The following SYNPO2 variants were observed in gnomAD, a reference collection of about 807,000 sequenced individuals.
SYNPO2 encodes the protein synaptopodin-2.
A neutral mutation model predicts 85.0 loss-of-function variants in SYNPO2; 56 were observed. That is an observed-to-expected ratio of 0.66 (90% CI 0.53 to 0.82). The LOEUF (loss-of-function observed/expected upper bound fraction) is 0.82, where lower values mean the gene tolerates loss of function less well. SYNPO2 is among the 40% of genes least tolerant of loss of function. SYNPO2 has a pLI of 0.00. For synonymous variants in SYNPO2, 602 were observed against 591.1 expected (o/e 1.02, Z -0.27); for missense variants, 1,575 against 1,534.2 (o/e 1.03, Z -0.44).
At chr4:119,040,201 A>G (rs571661149) in intron 4 of SYNPO2, among the ~76,000 whole-genome samples, 2 of 152,376 alleles carry the variant, frequency 1.3e-5, no homozygotes, top group South Asian at 4.1e-4. Context: ...AACAATAGCT[A>G]CTATTTTAAA....
chr4:119,005,608 C>T (rs925831637), intron 1 of SYNPO2, among the ~76,000 whole-genome samples: 1 of 145,740 alleles, frequency 6.9e-6, no homozygotes, highest in Non-Finnish European at 1.5e-5. Context: ...GGTACCAGTA[C>T]CATGCTGTTT....
chr4:119,053,423 C>G (rs1306260154), intron 4 of SYNPO2, among the ~76,000 whole-genome samples: 1 of 152,176 alleles, frequency 6.6e-6, no homozygotes, highest in Admixed American at 6.5e-5. Context: ...AATGTGAAGG[C>G]ATGTTCGTCA....
chr4:118,997,239 C>CAAAAAAGAAAAAAA (rs1736640921), intron 1 of SYNPO2, among the ~76,000 whole-genome samples: 2 of 65,238 alleles, frequency 3.1e-5, no homozygotes, highest in Non-Finnish European at 2.9e-5. Flanking sequence ...GACTCCGTCT[C>CAAAAAAGAAAAAAA]AAAAAAAAAA....
In SYNPO2 at chr4:119,013,355, A is replaced by G. The variant is rs188800477; in HGVS notation, c.106-10075A>G. Among the ~76,000 whole-genome samples the G allele has an allele frequency of 3.3e-5, 5 of 152,346 alleles. No homozygotes were observed. The East Asian group carries it at 9.6e-4, about 29-fold the overall frequency. ...TTTAATATTCTGTGTGACAAAATGA[A>G]AAGTACATATAAAGCACTTTGGCTG... On this transcript the variant is annotated intron_variant, in intron 1 of 4. Transcript: ENST00000307142.
Position 118,933,834 on chromosome 4 carries a change from T to G in SYNPO2, c.105+44693T>G, listed in dbSNP as rs1165240135. ...TGCTTTTTGCTGTTGTTGTTGTTTTTTTTTTTTTTTTTGGACAGTAACCTT... is the reference window on the plus strand; with the variant it reads ...TGCTTTTTGCTGTTGTTGTTGTTTTGTTTTTTTTTTTTGGACAGTAACCTT... On this transcript the variant is annotated intron_variant, in intron 1 of 4. Coordinates refer to ENST00000307142, the MANE Select transcript of SYNPO2 (RefSeq NM_133477.3). Among the ~76,000 whole-genome samples, 73 of 147,210 alleles carry G rather than the reference T, an allele frequency of 5.0e-4. 1 individual carries two copies. The highest frequency in any genetic ancestry group is 1.8e-3 in the African/African-American group (72 of 40,562).
At chr4:118,943,043 G>T (rs1256744929) in intron 1 of SYNPO2, among the ~76,000 whole-genome samples, 12 of 151,782 alleles carry the variant, frequency 7.9e-5, no homozygotes, top group South Asian at 2.1e-4. Flanking sequence ...GGAGGCAGAG[G>T]TTGCAGTGAG....
chr4:119,034,216 G>T, intron 4 of SYNPO2: 2 of 985,378 alleles, frequency 2.0e-6, no homozygotes, highest in East Asian at 1.1e-4. Context: ...CAGGAAAAAA[G>T]ATCATTTTTA....
intron 4 of SYNPO2, 88 bp from the exon 5 acceptor site, chr4:119,057,313 G>T: frequency 7.7e-7 from 1 of 1,299,282 alleles, no homozygotes; most frequent in Non-Finnish European, 1.0e-6. Flanking sequence ...TTTTTGCAGT[G>T]CTTGGTAATG....
chr4:119,007,253 C>CATAT (rs59327133), intron 1 of SYNPO2, among the ~76,000 whole-genome samples: 3,205 of 37,958 alleles, frequency 0.084, 208 homozygotes, highest in Non-Finnish European at 0.11. Flanking sequence ...TATGTATATA[C>CATAT]ATATATATAT....
In SYNPO2 at chr4:118,880,252, G is replaced by A. The variant is rs1251512410; in HGVS notation, c.12+29312G>A. ...GTCATTTTATATACTTTGTGCATTG[G>A]GAAGAAACTAATAAGCAGTTAGGCT... On this transcript the variant is annotated intron_variant, in intron 1 of 4. Coordinates refer to the SYNPO2 transcript ENST00000610556. 4.6e-5 allele frequency among the ~76,000 whole-genome samples: 7 copies of A among 152,198 alleles called. No homozygotes were observed. The South Asian group carries it at 1.2e-3, about 27-fold the overall frequency.
intron 1 of SYNPO2, among the ~76,000 whole-genome samples, chr4:118,916,453 G>T (rs1733327625): frequency 6.6e-6 from 1 of 151,982 alleles, no homozygotes; most frequent in Admixed American, 6.5e-5. Flanking sequence ...GACTACAGGG[G>T]TGAGTCACAG....
chr4:118,971,003 C>T (rs1230070476), intron 1 of SYNPO2, among the ~76,000 whole-genome samples: 1 of 152,166 alleles, frequency 6.6e-6, no homozygotes, highest in Non-Finnish European at 1.5e-5. Flanking sequence ...TGTTGTTAGA[C>T]CAACACTCTC....
chr4:119,032,929 T>TTTTG, intron 4 of SYNPO2: 1 of 905,324 alleles, frequency 1.1e-6, no homozygotes, highest in Non-Finnish European at 1.3e-6. Context: ...AAAGGTTGAT[T>TTTTG]CCCACCCTCC....
intron 1 of SYNPO2, among the ~76,000 whole-genome samples, chr4:119,011,728 A>G (rs1284271923): frequency 2.6e-5 from 4 of 152,154 alleles, no homozygotes; most frequent in Non-Finnish European, 4.4e-5. Context: ...GCACATATTT[A>G]TTGCAGGTCT....
chr4:118,887,166 A>AGTGTGTGTGTGTGTGTGTGTGT (rs71595329), upstream of SYNPO2, among the ~76,000 whole-genome samples: 2 of 139,058 alleles, frequency 1.4e-5, no homozygotes, highest in African/African-American at 5.5e-5. Context: ...CATCTGAGTG[A>AGTGTGTGTGTGTGTGTGTGTGT]GTGTGTGTGT....
chr4:119,058,786 T>C lies in SYNPO2; in HGVS notation c.*852T>C, dbSNP rs906213373. 1.3e-5 allele frequency: 2 copies of C among 152,134 alleles called. No individual in the cohort carries two copies. Among genetic ancestry groups the C allele is most frequent in the Non-Finnish European group, 2.9e-5 (2 of 68,024 alleles). 9.4% of individuals were successfully genotyped at this position (152,134 alleles called of 1,614,324 possible). ...CCACACCTGGCCTTTCTGCAACATTTTTTTAAAAAAATCTAATAAATCTTA... is the reference window on the plus strand; with the variant it reads ...CCACACCTGGCCTTTCTGCAACATTCTTTTAAAAAAATCTAATAAATCTTA... On this transcript the variant is annotated 3_prime_UTR_variant, in exon 5 of 5. Coordinates refer to ENST00000307142, the MANE Select transcript of SYNPO2 (RefSeq NM_133477.3).
chr4:118,976,865 G>C (rs555261564), intron 1 of SYNPO2, among the ~76,000 whole-genome samples: 3 of 152,162 alleles, frequency 2.0e-5, no homozygotes, highest in Admixed American at 6.5e-5. Flanking sequence ...ACAGAGTGTC[G>C]ATTGGTGCAC....
At chr4:118,893,883 T>G (rs1732455149) in intron 1 of SYNPO2, among the ~76,000 whole-genome samples, 1 of 151,990 alleles carries the variant, frequency 6.6e-6, no homozygotes, top group East Asian at 1.9e-4. Flanking sequence ...AAAGAAATGA[T>G]AAATATTTGA....
intron 1 of SYNPO2, among the ~76,000 whole-genome samples, chr4:118,946,455 T>A (rs574795742): frequency 8.0e-6 from 1 of 124,894 alleles, no homozygotes; most frequent in South Asian, 2.8e-4. Context: ...AGTCTTACTC[T>A]TTCTGTAACC....
Sources: gnomAD v4.1 joint callset for allele counts (sites outside exome capture counted in the v4.1 genomes callset) on GRCh38, gnomAD v4.1.1 for gene constraint, MANE v1.5 for transcripts, NCBI Gene and HGNC (gene_info 2026-07-23, HGNC 2026-07-21) for gene names.